KCNIP4: variants seen among roughly 807,000 people sequenced by gnomAD.
KCNIP4 encodes potassium voltage-gated channel interacting protein 4, also known as Kv channel-interacting protein 4.
A neutral mutation model predicts 34.0 loss-of-function variants in KCNIP4; 12 were observed. That is an observed-to-expected ratio of 0.35 (90% CI 0.23 to 0.57). The LOEUF (loss-of-function observed/expected upper bound fraction) is 0.57, where lower values mean the gene tolerates loss of function less well. KCNIP4 is among the 20% of genes least tolerant of loss of function. The pLI is 0.83. For missense variants in KCNIP4, 238 were observed against 311.7 expected, an observed-to-expected ratio of 0.76 and a Z score of 1.78; for synonymous variants, 124 against 102.2, an observed-to-expected ratio of 1.21 and a Z score of -1.29.
chr4:21,355,251 C>A (rs1718455347), intron 1 of KCNIP4, among the ~76,000 whole-genome samples: 1 of 151,934 alleles, frequency 6.6e-6, no homozygotes, highest in African/African-American at 2.4e-5. Context: ...ACTAGAGAAG[C>A]AAGAGCAAAC....
intron 1 of KCNIP4, among the ~76,000 whole-genome samples, chr4:20,921,391 G>T (rs752903455): frequency 6.6e-6 from 1 of 152,170 alleles, no homozygotes; most frequent in Non-Finnish European, 1.5e-5. Flanking sequence ...AAATTTCACA[G>T]TACTTTCAGA....
Position 21,121,327 on chromosome 4 carries a change from T to C in KCNIP4, c.62-238618A>G, listed in dbSNP as rs182562878. ...GAAATTGCAGAGTAGTTATTTTTCA[T>C]ATGTATTAAATCCTGGTTTTCTTGG... On this transcript the variant is annotated intron_variant, in intron 1 of 8. Coordinates refer to ENST00000382152, the MANE Select transcript of KCNIP4 (RefSeq NM_025221.6). Among the ~76,000 whole-genome samples, 333 of 152,344 alleles carry C rather than the reference T, an allele frequency of 2.2e-3. 1 individual carries two copies. Among genetic ancestry groups the C allele is most frequent in the Middle Eastern group, 6.8e-3 (2 of 294 alleles).
intron 1 of KCNIP4, among the ~76,000 whole-genome samples, chr4:20,903,125 T>C (rs966706621): frequency 7.2e-5 from 11 of 152,266 alleles, no homozygotes; most frequent in Middle Eastern, 3.4e-3. Flanking sequence ...TTATTCTTTA[T>C]AGAGCTAACA....
chr4:21,704,750 T>A (rs966380616), intron 1 of KCNIP4, among the ~76,000 whole-genome samples: 3 of 152,100 alleles, frequency 2.0e-5, no homozygotes, highest in Non-Finnish European at 4.4e-5. Flanking sequence ...ACTGGATCAC[T>A]CATACATGGA....
intron 1 of KCNIP4, among the ~76,000 whole-genome samples, chr4:21,589,156 GTA>G (rs375787939): frequency 0.012 from 851 of 71,170 alleles, 6 homozygotes; most frequent in Non-Finnish European, 0.018. Flanking sequence ...ATGGAGGTGT[GTA>G]TATATATATA....
chr4:21,832,668 A>C lies in KCNIP4; in HGVS notation c.61+115903T>G, dbSNP rs553361017. The stretch of plus-strand genomic sequence containing the variant: ...GGTTAGTTACATATGTATACATGTG[A>C]CATGCTGGTGCGCTGCACCCACTAA... On this transcript the variant is annotated intron_variant, in intron 1 of 8. Transcript: ENST00000382152. 1.5e-4 allele frequency among the ~76,000 whole-genome samples: 22 copies of C among 149,766 alleles called. No homozygotes were observed. The South Asian group carries it at 4.3e-3, about 29-fold the overall frequency.
rs147307681 is a variant in KCNIP4 at position 21,545,133 on chromosome 4, A to T, written c.61+403438T>A. Reference sequence around the variant, plus strand: ...CCTCACTGCTCATTATACGCTAATTATAATGGATTAGCATGTTAAAAGACA... The same window carrying T: ...CCTCACTGCTCATTATACGCTAATTTTAATGGATTAGCATGTTAAAAGACA... On this transcript the variant is annotated intron_variant, in intron 1 of 8. Transcript: ENST00000382152. Among the ~76,000 whole-genome samples, 84 of 152,276 alleles carry T rather than the reference A, an allele frequency of 5.5e-4. 1 individual carries two copies. The highest frequency in any genetic ancestry group is 1.6e-3 in the African/African-American group (66 of 41,566).
intron 1 of KCNIP4, among the ~76,000 whole-genome samples, chr4:20,903,734 G>A (rs1338431121): frequency 2.0e-5 from 3 of 152,150 alleles, no homozygotes; most frequent in African/African-American, 7.2e-5. Flanking sequence ...AGGATCTCCT[G>A]AGGGCTGCGT....
intron 1 of KCNIP4, among the ~76,000 whole-genome samples, chr4:21,145,079 G>A (rs988041770): frequency 6.6e-6 from 1 of 151,994 alleles, no homozygotes; most frequent in Non-Finnish European, 1.5e-5. Context: ...TTATTTCTTT[G>A]TTTTGAGATC....
At chr4:20,942,192 C>A (rs139215107) in intron 1 of KCNIP4, among the ~76,000 whole-genome samples, 16 of 152,244 alleles carry the variant, frequency 1.1e-4, no homozygotes, top group Non-Finnish European at 2.4e-4. Flanking sequence ...ATTCCCTGGC[C>A]ACTGCTGCAA....
chr4:21,684,635 T>C (rs1350894680), intron 1 of KCNIP4, among the ~76,000 whole-genome samples: 2 of 152,336 alleles, frequency 1.3e-5, no homozygotes, highest in African/African-American at 4.8e-5. Context: ...CCAAGATTAA[T>C]AGTTAATCTT....
At chr4:21,920,905 TGTCTAGTTCTACCTC>T (rs1728904703) in intron 1 of KCNIP4, among the ~76,000 whole-genome samples, 1 of 152,186 alleles carries the variant, frequency 6.6e-6, no homozygotes, top group African/African-American at 2.4e-5. Context: ...TCCTAGAAGC[TGTCTAGTTCTACCTC>T]GTGTTAATCT....
chr4:20,916,218 T>C lies in KCNIP4; in HGVS notation c.62-33509A>G. On this transcript the variant is annotated intron_variant, in intron 1 of 8. Coordinates refer to ENST00000382152, the MANE Select transcript of KCNIP4 (RefSeq NM_025221.6). ...TCTCTTATAAAATGACCCCTAACTC[T>C]CTCAGGTTCTCTCTATGATTTCTGC... 7 of 549,632 alleles carry C rather than the reference T, an allele frequency of 1.3e-5. No homozygotes were observed. The South Asian group carries it at 4.8e-4, about 37-fold the overall frequency. 34.0% of individuals were successfully genotyped at this position (549,632 alleles called of 1,614,324 possible).
At chr4:21,472,850 T>C (rs896644425) in intron 1 of KCNIP4, among the ~76,000 whole-genome samples, 7 of 152,074 alleles carry the variant, frequency 4.6e-5, no homozygotes, top group African/African-American at 1.7e-4. Flanking sequence ...TATTCTAAGA[T>C]TATTATGAAG....
At chr4:21,417,107 C>A (rs913277176) in intron 1 of KCNIP4, among the ~76,000 whole-genome samples, 23 of 152,172 alleles carry the variant, frequency 1.5e-4, no homozygotes, top group Admixed American at 1.4e-3. Context: ...TCATTCTTCT[C>A]TTTCTCAAGA....
At chr4:21,276,009 T>A (rs557732836) in intron 1 of KCNIP4, among the ~76,000 whole-genome samples, 56 of 152,324 alleles carry the variant, frequency 3.7e-4, no homozygotes, top group African/African-American at 1.3e-3. Context: ...TACACATTTG[T>A]GTTGGGGCCA....
intron 1 of KCNIP4, among the ~76,000 whole-genome samples, chr4:21,159,019 A>C (rs1462129635): frequency 1.3e-5 from 2 of 152,184 alleles, no homozygotes; most frequent in Non-Finnish European, 2.9e-5. Context: ...TAAAGTTATC[A>C]ATTTTCCCCA....
chr4:21,776,992 T>A (rs953667191), intron 1 of KCNIP4, among the ~76,000 whole-genome samples: 1 of 152,114 alleles, frequency 6.6e-6, no homozygotes, highest in South Asian at 2.1e-4. Flanking sequence ...AGGCTGGTCT[T>A]GAACTCCTGA....
chr4:21,751,044 A>C (rs1366204425), intron 1 of KCNIP4, among the ~76,000 whole-genome samples: 1 of 152,144 alleles, frequency 6.6e-6, no homozygotes, highest in Admixed American at 6.6e-5. Flanking sequence ...CCTTGCAAAA[A>C]ATGAATTGAG....
Sources: gnomAD v4.1 joint callset for allele counts (sites outside exome capture counted in the v4.1 genomes callset) on GRCh38, gnomAD v4.1.1 for gene constraint, MANE v1.5 for transcripts, NCBI Gene and HGNC (gene_info 2026-07-23, HGNC 2026-07-21) for gene names.